ZNF385B: variants seen among roughly 807,000 people sequenced by gnomAD.
ZNF385B encodes zinc finger protein 533.
In ZNF385B, 23 loss-of-function variants were observed where a neutral mutation model predicts 39.2. The observed-to-expected ratio is 0.59, with a 90% CI of 0.42 to 0.83. The LOEUF (loss-of-function observed/expected upper bound fraction) is 0.83, where lower values mean the gene tolerates loss of function less well. ZNF385B is among the 40% of genes least tolerant of loss of function. The probability of loss-of-function intolerance (pLI) is 0.00; values close to 1 mark genes in which losing one functional copy is unlikely to be tolerated. For synonymous variants in ZNF385B, 205 were observed against 222.6 expected (o/e 0.92, Z 0.70); for missense variants, 552 against 598.9 (o/e 0.92, Z 0.82).
intron 1 of ZNF385B, among the ~76,000 whole-genome samples, chr2:179,790,527 A>C (rs1465172519): frequency 2.0e-5 from 3 of 152,206 alleles, no homozygotes; most frequent in African/African-American, 7.2e-5. Flanking sequence ...TGAAATGCTA[A>C]GAAACTTGTG....
intron 6 of ZNF385B, among the ~76,000 whole-genome samples, chr2:179,471,418 A>C (rs1473507356): frequency 6.6e-6 from 1 of 152,208 alleles, no homozygotes; most frequent in Non-Finnish European, 1.5e-5. Flanking sequence ...CATGAATTCA[A>C]GGGATCCAAT....
At chr2:179,672,155 G>T (rs1346386467) in intron 3 of ZNF385B, among the ~76,000 whole-genome samples, 1 of 152,190 alleles carries the variant, frequency 6.6e-6, no homozygotes, top group Non-Finnish European at 1.5e-5. Flanking sequence ...GCAGAGCTTT[G>T]AATCAAAGAT....
At chr2:179,629,315 G>A (rs183999278) in intron 3 of ZNF385B, among the ~76,000 whole-genome samples, 19 of 152,252 alleles carry the variant, frequency 1.2e-4, no homozygotes, top group Non-Finnish European at 2.6e-4. Context: ...ATTACTTAGA[G>A]CAAATGTTGC....
At chr2:179,566,150 T>C (rs1684550997) in intron 3 of ZNF385B, among the ~76,000 whole-genome samples, 1 of 152,232 alleles carries the variant, frequency 6.6e-6, no homozygotes, top group Admixed American at 6.5e-5. Context: ...TTATTGCTCA[T>C]TGATAATTAT....
chr2:179,704,002 A>C (rs1262173693), intron 3 of ZNF385B, among the ~76,000 whole-genome samples: 1 of 152,226 alleles, frequency 6.6e-6, no homozygotes, highest in Non-Finnish European at 1.5e-5. Flanking sequence ...TAATCCCAAA[A>C]GTCACAGGCT....
intron 3 of ZNF385B, among the ~76,000 whole-genome samples, chr2:179,752,429 T>C (rs1352243470): frequency 2.6e-5 from 4 of 152,376 alleles, no homozygotes; most frequent in Middle Eastern, 3.4e-3. Flanking sequence ...GCAGGATTTA[T>C]AATCCTTTGG....
At chr2:179,658,151 A>G (rs1367279483) in intron 3 of ZNF385B, among the ~76,000 whole-genome samples, 3 of 152,238 alleles carry the variant, frequency 2.0e-5, no homozygotes, top group Non-Finnish European at 4.4e-5. Flanking sequence ...GGTATTGGTC[A>G]GAATTTTCTT....
chr2:179,725,399 C>G (rs1240959252), intron 3 of ZNF385B, among the ~76,000 whole-genome samples: 3 of 151,770 alleles, frequency 2.0e-5, no homozygotes, highest in African/African-American at 7.3e-5. Context: ...CTTAAAATTA[C>G]TCATCACATA....
intron 3 of ZNF385B, among the ~76,000 whole-genome samples, chr2:179,641,403 C>G (rs1692257547): frequency 6.6e-6 from 1 of 152,128 alleles, no homozygotes; most frequent in Non-Finnish European, 1.5e-5. Flanking sequence ...CTCCAAGTCT[C>G]TTTATACAGG....
chr2:179,771,535 C>T (rs1410567479), intron 1 of ZNF385B, among the ~76,000 whole-genome samples: 1 of 152,124 alleles, frequency 6.6e-6, no homozygotes, highest in Non-Finnish European at 1.5e-5. Context: ...AAAATCTGCT[C>T]AAACTATGCA....
At chr2:179,611,759 T>A (rs1689307570) in intron 3 of ZNF385B, among the ~76,000 whole-genome samples, 1 of 152,172 alleles carries the variant, frequency 6.6e-6, no homozygotes, top group Admixed American at 6.5e-5. Context: ...TCTTGGTAGG[T>A]TGTATGTGTC....
chr2:179,568,671 T>C (rs1486757046), intron 3 of ZNF385B, among the ~76,000 whole-genome samples: 1 of 152,212 alleles, frequency 6.6e-6, no homozygotes, highest in Non-Finnish European at 1.5e-5. Flanking sequence ...AAAAATATGT[T>C]GGGTGTGTGT....
intron 3 of ZNF385B, among the ~76,000 whole-genome samples, chr2:179,591,223 T>C (rs758608169): frequency 1.3e-5 from 2 of 152,200 alleles, no homozygotes; most frequent in Non-Finnish European, 2.9e-5. Context: ...TATTTTCATA[T>C]GATTACAAAC....
chr2:179,756,814 C>G (rs565941707), intron 3 of ZNF385B, among the ~76,000 whole-genome samples: 8 of 152,314 alleles, frequency 5.3e-5, no homozygotes, highest in South Asian at 4.1e-4. Context: ...TCAGCTCCAT[C>G]AGGTCATTTA....
intron 1 of ZNF385B, among the ~76,000 whole-genome samples, chr2:179,788,443 T>G (rs994529631): frequency 6.6e-6 from 1 of 152,070 alleles, no homozygotes; most frequent in African/African-American, 2.4e-5. Flanking sequence ...AAGAGTAACA[T>G]GAGAAGAAAA....
chr2:179,841,170 AG>A (rs1347634106), intron 1 of ZNF385B, among the ~76,000 whole-genome samples: 5 of 152,252 alleles, frequency 3.3e-5, no homozygotes, highest in African/African-American at 4.8e-5. Flanking sequence ...CAATTCTTAC[AG>A]TTTGGATTTC....
chr2:179,673,659 C>T (rs1278038066), intron 3 of ZNF385B, among the ~76,000 whole-genome samples: 1 of 152,128 alleles, frequency 6.6e-6, no homozygotes, highest in East Asian at 1.9e-4. Flanking sequence ...TTCTCCAGCC[C>T]CTTTGGAAAG....
intron 3 of ZNF385B, among the ~76,000 whole-genome samples, chr2:179,575,264 T>C (rs1685679280): frequency 6.6e-6 from 1 of 151,910 alleles, no homozygotes; most frequent in Admixed American, 6.6e-5. Flanking sequence ...TAATAAAACA[T>C]ATATGTAGAA....
At chr2:179,784,475 TAAAAA>T (rs1259647845) in intron 1 of ZNF385B, among the ~76,000 whole-genome samples, 2 of 149,902 alleles carry the variant, frequency 1.3e-5, no homozygotes, top group African/African-American at 4.9e-5. Flanking sequence ...AAATACAAAC[TAAAAA>T]AAGAAAAAAA....
Sources: allele counts gnomAD v4.1 joint callset (sites outside exome capture counted in the v4.1 genomes callset), GRCh38; gene constraint gnomAD v4.1.1; transcripts MANE v1.5; gene names NCBI Gene and HGNC (gene_info 2026-07-23, HGNC 2026-07-21).